Variants in BTBD16 observed in about 807,000 individuals in gnomAD.
BTBD16 encodes the protein BTB/POZ domain-containing protein 16.
A neutral mutation model predicts 67.4 loss-of-function variants in BTBD16; 66 were observed. The observed-to-expected ratio is 0.98, with a 90% CI of 0.80 to 1.20. The LOEUF (loss-of-function observed/expected upper bound fraction) is 1.20, where lower values mean the gene tolerates loss of function less well. BTBD16 is among the 50% of genes most tolerant of loss of function. The pLI, the probability that BTBD16 is intolerant of heterozygous loss-of-function variation, is 0.00. For missense variants in BTBD16, 634 were observed against 616.0 expected (o/e 1.03, Z -0.31); for synonymous variants, 242 against 236.4 (o/e 1.02, Z -0.22).
chr10:122,278,339 AT>A (rs2096345253), intron 3 of BTBD16, among the ~76,000 whole-genome samples: 1 of 152,110 alleles, frequency 6.6e-6, no homozygotes. Context: ...TCACTTACTA[AT>A]TCTGTGACCT....
chr10:122,279,025 G>A (rs1395349367), intron 3 of BTBD16, among the ~76,000 whole-genome samples: 4 of 152,202 alleles, frequency 2.6e-5, no homozygotes, highest in African/African-American at 4.8e-5. Flanking sequence ...GGCAAGTCAC[G>A]TGGCCAAACT....
At chr10:122,286,475 G>A (rs2096363997) in intron 5 of BTBD16, among the ~76,000 whole-genome samples, 1 of 152,276 alleles carries the variant, frequency 6.6e-6, no homozygotes, top group Non-Finnish European at 1.5e-5. Flanking sequence ...CTAGGTGTGA[G>A]GTTCTAGAAC....
At chr10:122,290,134 C>G in intron 6 of BTBD16, 136 bp downstream of exon 6, 2 of 583,370 alleles carry the variant, frequency 3.4e-6, no homozygotes, top group South Asian at 4.9e-5. Context: ...TAAAAAGGCC[C>G]GAACGTGCAA....
At position 122,287,499 on chromosome 10, in the gene BTBD16, G is replaced by A. The variant is rs904746431; in HGVS notation, c.385+1251G>A. ...CTGGCTGAGAGACAAGAGGGAAGGT[G>A]CAGAGATGAAATCCCAGTGCCCTGG... On this transcript the variant is annotated intron_variant, in intron 5 of 15. Transcript: ENST00000260723. The A allele has an allele frequency of 2.4e-5, 24 of 985,164 alleles. No individual in the cohort carries two copies. In the African/African-American group the frequency reaches 3.7e-4, roughly 15 times the overall value. 61.0% of individuals were successfully genotyped at this position (985,164 alleles called of 1,614,324 possible). A position where few individuals can be genotyped will look rare whatever the true frequency, so the allele number is the denominator to read the frequency against.
At position 122,329,562 on chromosome 10, in the gene BTBD16, A is replaced by G. The variant is rs774318612; in HGVS notation, c.994A>G (p.Ile332Val). The G allele has an allele frequency of 1.9e-6, 3 of 1,613,722 alleles. No homozygotes were observed. Among genetic ancestry groups the G allele is most frequent in the Non-Finnish European group, 2.5e-6 (3 of 1,179,990 alleles). Residue 332 changes from isoleucine (I) to valine (V), a missense_variant, in exon 11 of 16, where the codon ATC becomes GTC. Physicochemically the swap from Ile to Val is conservative, Grantham distance 29. Coordinates refer to ENST00000260723, the MANE Select transcript of BTBD16 (RefSeq NM_144587.5). ...CTTCCTCTGCTTGCGTCTGCACGGC[A>G]TCACCAAAGGTAAGCCCCAGTCCAG... Reference protein sequence around the residue: ...PLFLCLRLHGITKGKDLEVLR... With the variant: ...PLFLCLRLHGVTKGKDLEVLR...
At chr10:122,305,583 G>T (rs2096402258) in intron 9 of BTBD16, among the ~76,000 whole-genome samples, 2 of 152,180 alleles carry the variant, frequency 1.3e-5, no homozygotes, top group Admixed American at 1.3e-4. Context: ...AAGCCAAGCA[G>T]ATGCCAGCAT....
At chr10:122,288,238 C>G (rs2096367355) in intron 5 of BTBD16, among the ~76,000 whole-genome samples, 1 of 152,212 alleles carries the variant, frequency 6.6e-6, no homozygotes, top group South Asian at 2.1e-4. Flanking sequence ...CATTTACTCC[C>G]TGCCACGGGG....
intron 2 of BTBD16, among the ~76,000 whole-genome samples, chr10:122,275,521 A>C (rs1237546025): frequency 6.6e-6 from 1 of 152,104 alleles, no homozygotes; most frequent in African/African-American, 2.4e-5. Context: ...CACCACCACC[A>C]CCCATTATTT....
chr10:122,302,049 GCTTGA>G (rs1180251249), intron 9 of BTBD16, among the ~76,000 whole-genome samples: 1 of 152,184 alleles, frequency 6.6e-6, no homozygotes. Context: ...GTGGCCCTTG[GCTTGA>G]CTTATCAGCC....
chr10:122,271,884 C>T (rs948204451), intron 1 of BTBD16, among the ~76,000 whole-genome samples: 6 of 152,162 alleles, frequency 3.9e-5, no homozygotes, highest in African/African-American at 1.4e-4. Flanking sequence ...CAAACCCCAG[C>T]CTCCCTCTCT....
At chr10:122,337,946 C>G (rs2096465840) in intron 15 of BTBD16, 71 bp from the exon 16 acceptor site, 3 of 1,315,212 alleles carry the variant, frequency 2.3e-6, no homozygotes, top group Admixed American at 1.8e-5. Context: ...AGTCCTTCCT[C>G]TTTCCCCTTC....
intron 7 of BTBD16, chr10:122,295,590 C>A (rs1197955175): frequency 1.0e-6 from 1 of 952,702 alleles, no homozygotes; most frequent in Non-Finnish European, 1.2e-6. Context: ...AGAGGCTATG[C>A]AGAGGCTCAG....
intron 14 of BTBD16, among the ~76,000 whole-genome samples, chr10:122,335,308 T>G (rs1209948911): frequency 6.6e-6 from 1 of 152,204 alleles, no homozygotes; most frequent in Non-Finnish European, 1.5e-5. Flanking sequence ...TACATACAAT[T>G]CAGTTATTCT....
At chr10:122,324,870 C>T (rs564768899) in intron 10 of BTBD16, among the ~76,000 whole-genome samples, 1 of 152,338 alleles carries the variant, frequency 6.6e-6, no homozygotes, top group South Asian at 2.1e-4. Flanking sequence ...CCAAAACATA[C>T]CTTCAACAAT....
chr10:122,274,343 G>A (rs2096335712), intron 1 of BTBD16, among the ~76,000 whole-genome samples: 1 of 152,208 alleles, frequency 6.6e-6, no homozygotes, highest in South Asian at 2.1e-4. Flanking sequence ...GACTCATGCT[G>A]GAGGCAGCGC....
rs545075153 is a variant in BTBD16 at position 122,326,224 on chromosome 10, T to G, written c.912-3256T>G. On this transcript the variant is annotated intron_variant, in intron 10 of 15. Transcript: ENST00000260723. Reference sequence around the variant, plus strand: ...ATGCATAGCATGAATTTTTCCCATGTGAACCATTCTTACGTGTTCAGTTCA... The same window carrying G: ...ATGCATAGCATGAATTTTTCCCATGGGAACCATTCTTACGTGTTCAGTTCA... Among the ~76,000 whole-genome samples, 32 of 152,340 alleles carry G rather than the reference T, an allele frequency of 2.1e-4. No homozygotes were observed. In the South Asian group the frequency reaches 6.6e-3, roughly 32 times the overall value.
At chr10:122,332,345 G>T (rs2133322556) in intron 12 of BTBD16, 91 bp from the exon 13 acceptor site, 1 of 1,201,136 alleles carries the variant, frequency 8.3e-7, no homozygotes, top group Non-Finnish European at 1.2e-6. Flanking sequence ...TGGTGAGGGG[G>T]GCAGGGGTCA....
intron 2 of BTBD16, 144 bp downstream of exon 2, chr10:122,275,243 TC>T: frequency 1.2e-6 from 1 of 800,998 alleles, no homozygotes; most frequent in Non-Finnish European, 2.2e-6. Context: ...AAAGAGCGCG[TC>T]CAGGCAGCAC....
intron 9 of BTBD16, among the ~76,000 whole-genome samples, chr10:122,305,139 C>T (rs1403747344): frequency 6.6e-6 from 1 of 152,218 alleles, no homozygotes; most frequent in African/African-American, 2.4e-5. Context: ...GGTCAGTAAT[C>T]AGCTGATTCT....
Sources: allele counts gnomAD v4.1 joint callset (sites outside exome capture counted in the v4.1 genomes callset), GRCh38; gene constraint gnomAD v4.1.1; transcripts MANE v1.5; gene names NCBI Gene and HGNC (gene_info 2026-07-23, HGNC 2026-07-21).